RBFOX3: variants seen among roughly 807,000 people sequenced by gnomAD.
RBFOX3 encodes the protein RNA binding protein fox-1 homolog 3.
RBFOX3 carries 17 observed loss-of-function variants against 48.7 expected under a neutral mutation model. The ratio of observed to expected loss-of-function variants is 0.35; its 90% CI spans 0.24 to 0.52. The LOEUF (loss-of-function observed/expected upper bound fraction) is 0.52, where lower values mean the gene tolerates loss of function less well. Ranked by LOEUF, RBFOX3 falls within the 20% of genes least tolerant of loss-of-function variation. The pLI, the probability that RBFOX3 is intolerant of heterozygous loss-of-function variation, is 0.94. For missense variants in RBFOX3, 382 were observed against 497.5 expected (o/e 0.77, Z 2.21); for synonymous variants, 212 against 209.5 (o/e 1.01, Z -0.10).
At chr17:79,430,372 T>C (rs1459923024) in intron 2 of RBFOX3, among the ~76,000 whole-genome samples, 1 of 152,026 alleles carries the variant, frequency 6.6e-6, no homozygotes, top group Non-Finnish European at 1.5e-5. Flanking sequence ...CTTCAACACA[T>C]CCGTAAATGG....
chr17:79,132,341 C>T (rs938201127), intron 4 of RBFOX3, among the ~76,000 whole-genome samples: 4 of 152,132 alleles, frequency 2.6e-5, no homozygotes, highest in Admixed American at 6.5e-5. Context: ...AGGAGCTGAG[C>T]GACGCGGGCC....
In RBFOX3 at chr17:79,477,062, G is replaced by A. The variant is rs886089393; in HGVS notation, c.-175+5392C>T. Among the ~76,000 whole-genome samples the A allele has an allele frequency of 1.4e-3, 219 of 151,492 alleles. No individual in the cohort carries two copies. The highest frequency in any genetic ancestry group is 4.9e-3 in the African/African-American group (203 of 41,254). On this transcript the variant is annotated intron_variant, in intron 2 of 14. Coordinates refer to ENST00000693108, the MANE Select transcript of RBFOX3 (RefSeq NM_001350451.2). The surrounding 1 kb of genome is among the most constrained non-coding windows in gnomAD (Gnocchi z 4.8). ...AGCCTGGCCAACAGGGTGAAACCCC[G>A]TCTCTACTAAAAATACAAAAATTAG...
intron 4 of RBFOX3, among the ~76,000 whole-genome samples, chr17:79,186,791 A>T (rs1202087833): frequency 6.6e-6 from 1 of 152,238 alleles, no homozygotes; most frequent in African/African-American, 2.4e-5. Context: ...ACCACTATAA[A>T]TATCAGGCAA....
At chr17:79,620,064 TACATGCAC>T in the RBFOX3 span, among the ~76,000 whole-genome samples, 9 of 128,070 alleles carry the variant, frequency 7.0e-5, no homozygotes, top group East Asian at 5.4e-4. Flanking sequence ...CACACATATG[TACATGCAC>T]ACATGCACAC....
intron 3 of RBFOX3, among the ~76,000 whole-genome samples, chr17:79,274,130 G>C (rs1453736283): frequency 6.6e-6 from 1 of 152,176 alleles, no homozygotes; most frequent in Non-Finnish European, 1.5e-5. Flanking sequence ...CCTCCCACCA[G>C]CAGTGTCCAC....
intron 1 of RBFOX3, among the ~76,000 whole-genome samples, chr17:79,580,190 C>A (rs2093007951): frequency 6.6e-6 from 1 of 151,742 alleles, no homozygotes; most frequent in African/African-American, 2.4e-5. Context: ...GTTTGTCTTA[C>A]CTGCAGTCCA....
chr17:79,277,801 C>T (rs754092601), intron 3 of RBFOX3, among the ~76,000 whole-genome samples: 5 of 152,198 alleles, frequency 3.3e-5, no homozygotes, highest in East Asian at 1.9e-4. Context: ...CCAGAAGGCT[C>T]GGAGACAGCG....
At chr17:79,385,468 G>GTGTCC (rs891650624) in intron 2 of RBFOX3, among the ~76,000 whole-genome samples, 8 of 152,088 alleles carry the variant, frequency 5.3e-5, no homozygotes, top group African/African-American at 1.9e-4. Context: ...AAGAACACAG[G>GTGTCC]TGTCCTGTCC....
At chr17:79,582,399 C>T (rs1371382980) in intron 1 of RBFOX3, among the ~76,000 whole-genome samples, 2 of 152,318 alleles carry the variant, frequency 1.3e-5, no homozygotes, top group Admixed American at 1.3e-4. Flanking sequence ...GCCTCGCTTC[C>T]ACTCTGTGTG....
At chr17:79,538,176 C>A (rs922385990) in intron 1 of RBFOX3, among the ~76,000 whole-genome samples, 5 of 152,262 alleles carry the variant, frequency 3.3e-5, no homozygotes, top group African/African-American at 1.2e-4. Context: ...GGAGCTGCCC[C>A]TTCCCAGGCT....
the RBFOX3 span, among the ~76,000 whole-genome samples, chr17:79,648,230 G>A: frequency 6.6e-6 from 1 of 152,296 alleles, no homozygotes; most frequent in Admixed American, 6.5e-5. Context: ...GATGAGCTCT[G>A]CTCATGGCCA....
intron 2 of RBFOX3, among the ~76,000 whole-genome samples, chr17:79,434,561 A>T (rs1433330240): frequency 4.6e-5 from 7 of 152,302 alleles, no homozygotes; most frequent in African/African-American, 1.7e-4. Flanking sequence ...CAGTGTTCAC[A>T]TCACAGTGGG....
At chr17:79,574,418 C>A (rs2144639596) in intron 1 of RBFOX3, among the ~76,000 whole-genome samples, 1 of 152,296 alleles carries the variant, frequency 6.6e-6, no homozygotes, top group East Asian at 1.9e-4. Flanking sequence ...AAAGTGAACT[C>A]CAGTCATCCT....
intron 1 of RBFOX3, among the ~76,000 whole-genome samples, chr17:79,525,384 G>A (rs1018265594): frequency 6.6e-6 from 1 of 152,218 alleles, no homozygotes; most frequent in South Asian, 2.1e-4. Context: ...AAAAGAGTAA[G>A]CCAGAGACCA....
At chr17:79,583,290 T>C (rs1807104434) in intron 1 of RBFOX3, among the ~76,000 whole-genome samples, 1 of 152,206 alleles carries the variant, frequency 6.6e-6, no homozygotes, top group Non-Finnish European at 1.5e-5. Context: ...TGAAAGGCCC[T>C]GACACTTTCA....
intron 2 of RBFOX3, among the ~76,000 whole-genome samples, chr17:79,352,587 C>T (rs1408596769): frequency 6.6e-6 from 1 of 152,212 alleles, no homozygotes; most frequent in African/African-American, 2.4e-5. Flanking sequence ...GATCACATCC[C>T]CAACTTACCT....
At chr17:79,549,561 T>C (rs2090920106) in intron 1 of RBFOX3, among the ~76,000 whole-genome samples, 1 of 152,178 alleles carries the variant, frequency 6.6e-6, no homozygotes, top group African/African-American at 2.4e-5. Flanking sequence ...TGTGTCAAAG[T>C]GGGGTGGTGA....
intron 4 of RBFOX3, among the ~76,000 whole-genome samples, chr17:79,167,317 G>GC (rs1464746008): frequency 6.6e-6 from 1 of 151,950 alleles, no homozygotes; most frequent in Non-Finnish European, 1.5e-5. Context: ...GCTCTGGGGG[G>GC]CCCCTTCTTC....
intron 4 of RBFOX3, among the ~76,000 whole-genome samples, chr17:79,233,175 G>C (rs1309729213): frequency 6.6e-6 from 1 of 152,186 alleles, no homozygotes; most frequent in Admixed American, 6.5e-5. Flanking sequence ...CCAGAACAAG[G>C]AGAAAAGTAT....
Sources: allele counts gnomAD v4.1 joint callset (sites outside exome capture counted in the v4.1 genomes callset), GRCh38; gene constraint gnomAD v4.1.1; non-coding constraint Gnocchi (gnomAD v3.1); transcripts MANE v1.5; gene names NCBI Gene and HGNC (gene_info 2026-07-23, HGNC 2026-07-21).